PPP3CA: variants seen among roughly 807,000 people sequenced by gnomAD.
PPP3CA encodes the protein protein phosphatase 3 catalytic subunit alpha, also known as CAM-PRP catalytic subunit.
A neutral mutation model predicts 66.5 loss-of-function variants in PPP3CA; 14 were observed. The observed-to-expected ratio is 0.21, with a 90% CI of 0.14 to 0.33. PPP3CA has a LOEUF of 0.33. Ranked by LOEUF, PPP3CA falls within the 10% of genes least tolerant of loss-of-function variation. The pLI, the probability that PPP3CA is intolerant of heterozygous loss-of-function variation, is 1.00. For missense variants in PPP3CA, 317 were observed against 639.5 expected (o/e 0.50, Z 5.44); for synonymous variants, 232 against 226.2 (o/e 1.03, Z -0.23).
At position 101,025,473 on chromosome 4, in the gene PPP3CA, T is replaced by C. The variant is rs1330782019; in HGVS notation, c.*392A>G. The C allele has an allele frequency of 1.9e-5, 3 of 156,248 alleles. No individual in the cohort carries two copies. Among genetic ancestry groups the C allele is most frequent in the African/African-American group, 4.8e-5 (2 of 41,518 alleles). The allele number at this position is 156,248 out of a possible 1,614,324, so 9.7% of individuals were successfully genotyped here. On this transcript the variant is annotated 3_prime_UTR_variant, in exon 14 of 14. Transcript: ENST00000394854. ...GTAAACGTACAATAGAGTAAGAAAT[T>C]AGACAAAGTTTTCATGTCCAGTAAC... is the stretch of plus-strand genomic sequence containing the variant.
intron 8 of PPP3CA, among the ~76,000 whole-genome samples, chr4:101,079,071 C>CA (rs1729312676): frequency 6.6e-6 from 1 of 152,184 alleles, no homozygotes; most frequent in Non-Finnish European, 1.5e-5. Flanking sequence ...ATGGCAACAG[C>CA]AAACACCATC....
intron 1 of PPP3CA, among the ~76,000 whole-genome samples, chr4:101,243,169 T>C (rs1042173808): frequency 1.3e-5 from 2 of 152,226 alleles, no homozygotes; most frequent in African/African-American, 4.8e-5. Flanking sequence ...TTTTTCATTC[T>C]GCTCAGCTTC....
At chr4:101,292,690 A>C (rs1728067285) in intron 1 of PPP3CA, among the ~76,000 whole-genome samples, 1 of 152,230 alleles carries the variant, frequency 6.6e-6, no homozygotes, top group Non-Finnish European at 1.5e-5. Context: ...AAAGACTGAC[A>C]AACTAAATGG....
intron 2 of PPP3CA, among the ~76,000 whole-genome samples, chr4:101,124,713 GAA>G (rs371259156): frequency 2.6e-3 from 230 of 89,162 alleles, no homozygotes; most frequent in African/African-American, 3.5e-3. Flanking sequence ...AAGAAAGAAA[GAA>G]AGAAAGAAAG....
Position 101,196,088 on chromosome 4 carries a change from A to T in PPP3CA, c.87T>A (p.Leu29=), listed in dbSNP as rs200922134. Reference sequence around the variant, plus strand: ...CATTATCAAACACTTCTTTTGCTGTAAGCCGGTGACTTGGAGGAAATGGAA... The same window carrying T: ...CATTATCAAACACTTCTTTTGCTGTTAGCCGGTGACTTGGAGGAAATGGAA... ...KAVPFPPSHR[L]TAKEVFDNDG... is the part of the protein sequence containing the mutation. The change falls in exon 2 of 14, where the codon CTT becomes CTA. Residue 29 remains leucine (L), a synonymous_variant. Coordinates refer to ENST00000394854, the MANE Select transcript of PPP3CA (RefSeq NM_000944.5). 3.8e-5 allele frequency: 61 copies of T among 1,613,994 alleles called. No homozygotes were observed. The African/African-American group carries it at 7.5e-4, about 20-fold the overall frequency.
intron 10 of PPP3CA, among the ~76,000 whole-genome samples, chr4:101,042,265 A>C (rs1319757590): frequency 6.9e-6 from 1 of 144,436 alleles, no homozygotes; most frequent in Non-Finnish European, 1.5e-5. Flanking sequence ...TTCAGAGGTG[A>C]TGCTAACACA....
At chr4:101,286,354 A>C (rs1727847832) in intron 1 of PPP3CA, among the ~76,000 whole-genome samples, 1 of 152,218 alleles carries the variant, frequency 6.6e-6, no homozygotes, top group Admixed American at 6.5e-5. Context: ...AAATAAACAC[A>C]AATGCCAACC....
intron 1 of PPP3CA, among the ~76,000 whole-genome samples, chr4:101,204,886 GTCTAC>G (rs1262678736): frequency 2.7e-5 from 4 of 150,488 alleles, no homozygotes; most frequent in African/African-American, 7.4e-5. Flanking sequence ...TTTTATACAA[GTCTAC>G]TCTACAATGT....
At chr4:101,325,014 C>T (rs1287496878) in intron 1 of PPP3CA, among the ~76,000 whole-genome samples, 2 of 152,066 alleles carry the variant, frequency 1.3e-5, no homozygotes, top group Admixed American at 6.6e-5. Context: ...ACTTGGGATG[C>T]TTGAAAAACA....
At chr4:101,259,678 T>C (rs894136547) in intron 1 of PPP3CA, among the ~76,000 whole-genome samples, 2 of 152,124 alleles carry the variant, frequency 1.3e-5, no homozygotes, top group Non-Finnish European at 1.5e-5. Flanking sequence ...TTCAGGAAAA[T>C]TTACAAATTC....
intron 2 of PPP3CA, among the ~76,000 whole-genome samples, chr4:101,141,752 T>G (rs1208758574): frequency 6.6e-6 from 1 of 152,188 alleles, no homozygotes; most frequent in African/African-American, 2.4e-5. Flanking sequence ...TTTACCAGTT[T>G]CTTTGTCTCT....
intron 1 of PPP3CA, among the ~76,000 whole-genome samples, chr4:101,298,495 G>A (rs1728266113): frequency 6.6e-6 from 1 of 151,804 alleles, no homozygotes; most frequent in Non-Finnish European, 1.5e-5. Context: ...TGCCACCCTT[G>A]AGACAGCAAG....
chr4:101,307,967 C>A (rs753418042), intron 1 of PPP3CA, among the ~76,000 whole-genome samples: 10 of 152,136 alleles, frequency 6.6e-5, no homozygotes, highest in African/African-American at 1.2e-4. Context: ...GAATCTGTTA[C>A]CCGAAATAAT....
chr4:101,124,799 G>GAA (rs1399400422), intron 2 of PPP3CA, among the ~76,000 whole-genome samples: 4,850 of 98,714 alleles, frequency 0.049, 462 homozygotes, highest in African/African-American at 0.092. Flanking sequence ...AAGAAAGAAA[G>GAA]AGAAAACTGT....
intron 11 of PPP3CA, among the ~76,000 whole-genome samples, chr4:101,039,856 A>G (rs1245290452): frequency 6.9e-6 from 1 of 144,840 alleles, no homozygotes; most frequent in African/African-American, 2.5e-5. Context: ...ACATATAAAT[A>G]TATCATATTT....
intron 2 of PPP3CA, among the ~76,000 whole-genome samples, chr4:101,135,770 A>C (rs541560209): frequency 1.3e-5 from 2 of 152,354 alleles, no homozygotes; most frequent in South Asian, 4.1e-4. Flanking sequence ...CATTTAAGCA[A>C]AGTGTGAAAC....
At chr4:101,244,397 C>T (rs1039241868) in intron 1 of PPP3CA, among the ~76,000 whole-genome samples, 2 of 152,080 alleles carry the variant, frequency 1.3e-5, no homozygotes, top group East Asian at 3.9e-4. Context: ...ATATAATTAA[C>T]CTCTTCAATC....
At chr4:101,256,469 A>C (rs1726846499) in intron 1 of PPP3CA, among the ~76,000 whole-genome samples, 1 of 152,004 alleles carries the variant, frequency 6.6e-6, no homozygotes, top group African/African-American at 2.4e-5. Context: ...ATGTAACTAC[A>C]TGTACTTTAA....
intron 10 of PPP3CA, among the ~76,000 whole-genome samples, chr4:101,053,547 T>G (rs529113390): frequency 6.6e-6 from 1 of 152,236 alleles, no homozygotes; most frequent in Admixed American, 6.5e-5. Flanking sequence ...ATAAATTCAG[T>G]TATTACTTAA....
Sources: allele counts gnomAD v4.1 joint callset (sites outside exome capture counted in the v4.1 genomes callset), GRCh38; gene constraint gnomAD v4.1.1; transcripts MANE v1.5; gene names NCBI Gene and HGNC (gene_info 2026-07-23, HGNC 2026-07-21).